The following LMNB1 variants were observed in gnomAD, a reference collection of about 807,000 sequenced individuals.
LMNB1 encodes the protein lamin B1, also known as lamin-B1.
In LMNB1, 23 loss-of-function variants were observed where a neutral mutation model predicts 67.1. That is an observed-to-expected ratio of 0.34 (90% CI 0.25 to 0.49). The LOEUF (loss-of-function observed/expected upper bound fraction) is 0.49, where lower values mean the gene tolerates loss of function less well. Ranked by LOEUF, LMNB1 falls within the 20% of genes least tolerant of loss-of-function variation. The pLI, the probability that LMNB1 is intolerant of heterozygous loss-of-function variation, is 0.99. For missense variants in LMNB1, 634 were observed against 746.5 expected (o/e 0.85, Z 1.76); for synonymous variants, 281 against 282.9 (o/e 0.99, Z 0.07).
chr5:126,808,998 C>T (rs181465016), intron 3 of LMNB1, among the ~76,000 whole-genome samples: 210 of 152,174 alleles, frequency 1.4e-3, no homozygotes, highest in Non-Finnish European at 1.6e-3. Context: ...ATCTCAGCCT[C>T]CTGAGTAGCT....
intron 1 of LMNB1, among the ~76,000 whole-genome samples, chr5:126,779,017 G>T (rs1043043441): frequency 2.0e-5 from 3 of 152,106 alleles, no homozygotes; most frequent in Admixed American, 6.6e-5. Flanking sequence ...GCAAAATTTG[G>T]GTCTGAAATT....
At chr5:126,794,483 A>AT (rs1039246527) in intron 1 of LMNB1, among the ~76,000 whole-genome samples, 77 of 152,004 alleles carry the variant, frequency 5.1e-4, no homozygotes, top group African/African-American at 1.8e-3. Context: ...AATAAGGTTT[A>AT]TTTTTTCTCT....
chr5:126,804,281 T>C (rs1229994546), intron 1 of LMNB1, among the ~76,000 whole-genome samples: 1 of 148,728 alleles, frequency 6.7e-6, no homozygotes, highest in Non-Finnish European at 1.5e-5. Context: ...TCTTGCTATG[T>C]TGCCTAGGTT....
chr5:126,783,262 CTA>C (rs1750675858), intron 1 of LMNB1, among the ~76,000 whole-genome samples: 1 of 151,916 alleles, frequency 6.6e-6, no homozygotes, highest in South Asian at 2.1e-4. Flanking sequence ...CTGTGTATTA[CTA>C]TATCTTTTTT....
intron 5 of LMNB1, among the ~76,000 whole-genome samples, chr5:126,816,772 T>C (rs546031280): frequency 1.3e-5 from 2 of 152,334 alleles, no homozygotes; most frequent in African/African-American, 2.4e-5. Context: ...TTTCACGTGA[T>C]TAGACTGGGG....
At chr5:126,822,735 T>C (rs1312960393) in intron 7 of LMNB1, 46 bp from the exon 8 acceptor site, 1 of 1,161,554 alleles carries the variant, frequency 8.6e-7, no homozygotes, top group Admixed American at 1.9e-5. Context: ...TCCACAACTT[T>C]CTTTATCTTT....
intron 1 of LMNB1, among the ~76,000 whole-genome samples, chr5:126,796,893 A>C (rs921100888): frequency 6.7e-6 from 1 of 148,216 alleles, no homozygotes; most frequent in African/African-American, 2.5e-5. Context: ...GATTCAAGCG[A>C]TTCTCCTGCC....
intron 4 of LMNB1, 117 bp from the exon 5 acceptor site, chr5:126,811,654 CTG>C: frequency 1.2e-6 from 1 of 827,386 alleles, no homozygotes; most frequent in Non-Finnish European, 1.9e-6. Flanking sequence ...GATGCTTTTC[CTG>C]TGTTTCATCT....
In LMNB1 at chr5:126,777,234, C is replaced by A; in HGVS notation, c.-275C>A. 1 of 328,528 alleles carries A rather than the reference C, an allele frequency of 3.0e-6. No homozygotes were observed. Among genetic ancestry groups the A allele is most frequent in the Non-Finnish European group, 5.5e-6 (1 of 181,820 alleles). 20.4% of individuals were successfully genotyped at this position (328,528 alleles called of 1,614,324 possible). A position where few individuals can be genotyped will look rare whatever the true frequency, so the allele number is the denominator to read the frequency against. On this transcript the variant is annotated 5_prime_UTR_variant, in exon 1 of 11. Coordinates refer to ENST00000261366, the MANE Select transcript of LMNB1 (RefSeq NM_005573.4). ...CAGTCACCCTCGTCTTGCATTTTCC[C>A]GCGTGCGTGTGTGAGTGGGTGTGTG...
intron 1 of LMNB1, among the ~76,000 whole-genome samples, chr5:126,792,389 T>G (rs1453776989): frequency 6.6e-6 from 1 of 151,736 alleles, no homozygotes; most frequent in African/African-American, 2.4e-5. Flanking sequence ...GTGATTCGCC[T>G]GCCTCCCAAA....
At chr5:126,796,043 C>T (rs1004135871) in intron 1 of LMNB1, among the ~76,000 whole-genome samples, 1 of 147,888 alleles carries the variant, frequency 6.8e-6, no homozygotes, top group African/African-American at 2.5e-5. Flanking sequence ...AGCAATTCTC[C>T]TGCCTCAGCC....
intron 6 of LMNB1, among the ~76,000 whole-genome samples, chr5:126,819,835 A>G (rs1276481160): frequency 5.9e-5 from 9 of 152,066 alleles, no homozygotes; most frequent in Admixed American, 5.9e-4. Flanking sequence ...TATTTTTGAC[A>G]CCTGTTCTCA....
intron 8 of LMNB1, among the ~76,000 whole-genome samples, chr5:126,823,691 C>T (rs1032782686): frequency 1.3e-5 from 2 of 152,060 alleles, no homozygotes; most frequent in Non-Finnish European, 2.9e-5. Context: ...TTGATACAAA[C>T]CTTACTGTTG....
intron 5 of LMNB1, among the ~76,000 whole-genome samples, chr5:126,816,814 C>T (rs997502686): frequency 1.3e-5 from 2 of 152,158 alleles, no homozygotes; most frequent in African/African-American, 4.8e-5. Context: ...TTTGTCACAT[C>T]GTATCAGGGA....
intron 1 of LMNB1, among the ~76,000 whole-genome samples, chr5:126,801,929 G>A (rs2941667): frequency 0.68 from 103,021 of 152,108 alleles, 35,379 homozygotes; most frequent in South Asian, 0.74. Flanking sequence ...TTTATTTTCA[G>A]TCATATGTCT....
Position 126,785,853 on chromosome 5 carries a change from A to C in LMNB1, c.359+7986A>C, listed in dbSNP as rs1750767742. On this transcript the variant is annotated intron_variant, in intron 1 of 10. Transcript: ENST00000261366. ...ACATGGCAAAACCCTGTATCTACTAAAAATACAAAAATTAGCCGGGCATGG... is the reference window on the plus strand; with the variant it reads ...ACATGGCAAAACCCTGTATCTACTACAAATACAAAAATTAGCCGGGCATGG... 2.6e-5 allele frequency among the ~76,000 whole-genome samples: 4 copies of C among 151,824 alleles called. No homozygotes were observed. The South Asian group carries it at 8.3e-4, about 32-fold the overall frequency.
Position 126,808,217 on chromosome 5 carries a change from T to C in LMNB1, c.643-1963T>C, listed in dbSNP as rs549470586. On this transcript the variant is annotated intron_variant, in intron 3 of 10. Transcript: ENST00000261366. The stretch of plus-strand genomic sequence containing the variant: ...TTTTTTGTGTGAGACAGAGTCTCAC[T>C]CTGTTGCCCAGGCTGGTGTGCAGTG... 2.6e-5 allele frequency among the ~76,000 whole-genome samples: 4 copies of C among 151,780 alleles called. No individual in the cohort carries two copies. In the South Asian group the frequency reaches 8.3e-4, roughly 32 times the overall value.
At chr5:126,806,838 C>T (rs1335295963) in intron 3 of LMNB1, among the ~76,000 whole-genome samples, 1 of 151,866 alleles carries the variant, frequency 6.6e-6, no homozygotes. Flanking sequence ...AATGCAGTGG[C>T]ATGATCTTGG....
At chr5:126,802,445 T>C (rs1427001693) in intron 1 of LMNB1, among the ~76,000 whole-genome samples, 2 of 152,168 alleles carry the variant, frequency 1.3e-5, no homozygotes, top group Non-Finnish European at 2.9e-5. Flanking sequence ...ATAATTTTGA[T>C]GTTATTATTA....
Sources: gnomAD v4.1 joint callset for allele counts (sites outside exome capture counted in the v4.1 genomes callset) on GRCh38, gnomAD v4.1.1 for gene constraint, MANE v1.5 for transcripts, NCBI Gene and HGNC (gene_info 2026-07-23, HGNC 2026-07-21) for gene names.